EXTL3: variants seen among roughly 807,000 people sequenced by gnomAD.
The protein encoded by EXTL3 is exostosin like glycosyltransferase 3.
A neutral mutation model predicts 69.3 loss-of-function variants in EXTL3; 27 were observed. That is an observed-to-expected ratio of 0.39 (90% CI 0.29 to 0.54). The LOEUF (loss-of-function observed/expected upper bound fraction) is 0.54. Among genes scored for constraint, EXTL3 ranks in the 20% least tolerant of loss-of-function variants. The pLI, the probability that EXTL3 is intolerant of heterozygous loss-of-function variation, is 0.69. For synonymous variants in EXTL3, 511 were observed against 499.4 expected, an observed-to-expected ratio of 1.02 and a Z score of -0.31; for missense variants, 1,003 against 1,231.8, an observed-to-expected ratio of 0.81 and a Z score of 2.78.
intron 1 of EXTL3, among the ~76,000 whole-genome samples, chr8:28,664,279 C>T (rs1807159978): frequency 6.6e-6 from 1 of 152,232 alleles, no homozygotes; most frequent in Non-Finnish European, 1.5e-5. Context: ...GGTAGGGACC[C>T]TCTCCCTGGC....
chr8:28,669,460 C>A (rs1807251352), intron 1 of EXTL3, among the ~76,000 whole-genome samples: 1 of 152,196 alleles, frequency 6.6e-6, no homozygotes, highest in African/African-American at 2.4e-5. Flanking sequence ...TGCTATTACT[C>A]TATTAGATAA....
chr8:28,678,327 C>T (rs1170087099), intron 1 of EXTL3: 1 of 152,236 alleles, frequency 6.6e-6, no homozygotes, highest in East Asian at 1.9e-4. Context: ...TCTGTCCCCT[C>T]CAAATCTCAT....
chr8:28,677,050 T>C (rs1401730547), intron 1 of EXTL3, among the ~76,000 whole-genome samples: 1 of 152,006 alleles, frequency 6.6e-6, no homozygotes, highest in East Asian at 1.9e-4. Flanking sequence ...TTTCTGAGGA[T>C]GTAAGAAACT....
chr8:28,647,850 G>T (rs901461380), intron 1 of EXTL3, among the ~76,000 whole-genome samples: 2 of 151,284 alleles, frequency 1.3e-5, no homozygotes, highest in African/African-American at 4.9e-5. Flanking sequence ...GGAATTGCAG[G>T]TGACTCTCCT....
At chr8:28,669,778 G>C (rs141596470) in intron 1 of EXTL3, among the ~76,000 whole-genome samples, 1 of 152,128 alleles carries the variant, frequency 6.6e-6, no homozygotes, top group African/African-American at 2.4e-5. Context: ...GTGTCTAAAT[G>C]AACATGCGTT....
intron 6 of EXTL3, among the ~76,000 whole-genome samples, chr8:28,745,188 T>A (rs910455510): frequency 6.6e-6 from 1 of 152,124 alleles, no homozygotes; most frequent in Non-Finnish European, 1.5e-5. Context: ...AGCCTGGGCA[T>A]TGTAGTGAGA....
chr8:28,737,422 G>C, intron 4 of EXTL3, 97 bp from the exon 5 acceptor site: 1 of 1,334,676 alleles, frequency 7.5e-7, no homozygotes. Context: ...AAAAGCCTAA[G>C]GGCCAGAGCT....
At chr8:28,730,684 T>C (rs1405869665) in intron 3 of EXTL3, among the ~76,000 whole-genome samples, 3 of 152,176 alleles carry the variant, frequency 2.0e-5, no homozygotes, top group East Asian at 3.9e-4. Flanking sequence ...AGGAAAAAGT[T>C]TGTGTACGAG....
At chr8:28,712,194 T>C (rs934975525) in intron 1 of EXTL3, among the ~76,000 whole-genome samples, 1 of 152,060 alleles carries the variant, frequency 6.6e-6, no homozygotes, top group African/African-American at 2.4e-5. Flanking sequence ...GGAAGAACAT[T>C]TCAGACAAAA....
rs188915231 is a variant in EXTL3, at chr8:28,642,565, C to T, written c.-53+19755C>T. ...TCCAGGAGTTCGAGGCTGCAGTGAG[C>T]TCTGATTGTGCCAGTGTACTCCAGT... On this transcript the variant is annotated intron_variant, in intron 1 of 6. Coordinates refer to the EXTL3 transcript ENST00000523149. 3.3e-5 allele frequency among the ~76,000 whole-genome samples: 5 copies of T among 152,032 alleles called. No individual in the cohort carries two copies. The East Asian group carries it at 9.7e-4, about 30-fold the overall frequency.
chr8:28,644,964 C>T (rs971337349), intron 1 of EXTL3, among the ~76,000 whole-genome samples: 17 of 152,170 alleles, frequency 1.1e-4, no homozygotes, highest in Non-Finnish European at 2.2e-4. Flanking sequence ...TTTTATTTCC[C>T]TAGCTATTGG....
At chr8:28,722,324 C>G (rs1801307735) in intron 3 of EXTL3, among the ~76,000 whole-genome samples, 1 of 152,084 alleles carries the variant, frequency 6.6e-6, no homozygotes, top group Non-Finnish European at 1.5e-5. Context: ...TTTTATGGAA[C>G]TATGGGGAAA....
intron 3 of EXTL3, among the ~76,000 whole-genome samples, chr8:28,724,037 AAAGAT>A (rs1447705095): frequency 6.6e-6 from 1 of 151,940 alleles, no homozygotes; most frequent in Non-Finnish European, 1.5e-5. Context: ...TTTTTTAAAT[AAAGAT>A]ATGTATAAAA....
At chr8:28,660,440 C>T (rs949444838) in intron 1 of EXTL3, among the ~76,000 whole-genome samples, 1 of 152,010 alleles carries the variant, frequency 6.6e-6, no homozygotes, top group Admixed American at 6.6e-5. Flanking sequence ...CAAACATACA[C>T]ATACTGTATA....
At chr8:28,634,131 T>C (rs546521313) in intron 1 of EXTL3, among the ~76,000 whole-genome samples, 1 of 152,324 alleles carries the variant, frequency 6.6e-6, no homozygotes, top group East Asian at 1.9e-4. Flanking sequence ...GGCTGAGAAA[T>C]CTGGGATCTC....
At chr8:28,687,100 T>C (rs2130670342) in intron 1 of EXTL3, among the ~76,000 whole-genome samples, 1 of 152,290 alleles carries the variant, frequency 6.6e-6, no homozygotes, top group Non-Finnish European at 1.5e-5. Flanking sequence ...GGATAACAAC[T>C]GATGTTTCCA....
At chr8:28,677,198 G>A (rs1807401219) in intron 1 of EXTL3, among the ~76,000 whole-genome samples, 1 of 152,186 alleles carries the variant, frequency 6.6e-6, no homozygotes, top group African/African-American at 2.4e-5. Context: ...CACCAGAGAT[G>A]TGCATGGTAA....
intron 3 of EXTL3, among the ~76,000 whole-genome samples, chr8:28,729,342 G>A (rs1173212049): frequency 3.0e-4 from 44 of 147,136 alleles, no homozygotes; most frequent in Non-Finnish European, 3.6e-4. Flanking sequence ...CGTGCCTGTA[G>A]TCCCAGCACT....
intron 1 of EXTL3, among the ~76,000 whole-genome samples, chr8:28,659,875 C>T (rs1459139803): frequency 6.6e-6 from 1 of 152,154 alleles, no homozygotes; most frequent in Admixed American, 6.5e-5. Flanking sequence ...TGGAGTCTCC[C>T]CTGTGTCTAA....
Sources: gnomAD v4.1 joint callset for allele counts (sites outside exome capture counted in the v4.1 genomes callset) on GRCh38, gnomAD v4.1.1 for gene constraint, MANE v1.5 for transcripts, NCBI Gene and HGNC (gene_info 2026-07-23, HGNC 2026-07-21) for gene names.